The following VRK2 variants were observed in gnomAD, a reference collection of about 807,000 sequenced individuals.
VRK2 encodes serine/threonine-protein kinase VRK2.
A neutral mutation model predicts 57.6 loss-of-function variants in VRK2; 60 were observed. The observed-to-expected ratio is 1.04, with a 90% confidence interval of 0.85 to 1.29. VRK2 has a LOEUF of 1.29. Ranked by LOEUF, VRK2 falls within the 50% of genes most tolerant of loss-of-function variation. VRK2 has a pLI of 0.00. For missense variants in VRK2, 705 were observed against 588.1 expected (o/e 1.20, Z -2.06); for synonymous variants, 231 against 199.2 (o/e 1.16, Z -1.35).
chr2:58,139,096 G>T (rs1282577508), intron 10 of VRK2, among the ~76,000 whole-genome samples: 2 of 152,108 alleles, frequency 1.3e-5, no homozygotes, highest in East Asian at 3.8e-4. Flanking sequence ...ACGAGGCTGT[G>T]TACCAGGCTA....
chr2:58,147,866 C>T (rs1351388510), intron 12 of VRK2, among the ~76,000 whole-genome samples: 1 of 147,492 alleles, frequency 6.8e-6, no homozygotes, highest in African/African-American at 2.5e-5. Flanking sequence ...TTTTCCATTG[C>T]TGAACAGCAC....
chr2:58,041,194 A>C (rs1416395771), intron 3 of VRK2: 1 of 348,380 alleles, frequency 2.9e-6, no homozygotes, highest in African/African-American at 2.2e-5. Flanking sequence ...TTGGTTTACT[A>C]CATTCAATTG....
chr2:57,961,894 T>C (rs1341871675), intron 1 of VRK2, among the ~76,000 whole-genome samples: 1 of 152,012 alleles, frequency 6.6e-6, no homozygotes, highest in Non-Finnish European at 1.5e-5. Flanking sequence ...CCTGGCAACA[T>C]GGTGAAACCC....
intron 9 of VRK2, among the ~76,000 whole-genome samples, 161 bp from the exon 10 acceptor site, chr2:58,134,979 CT>C (rs1275354991): frequency 6.6e-6 from 1 of 151,926 alleles, no homozygotes; most frequent in Admixed American, 6.6e-5. Flanking sequence ...TTCTCCTCTA[CT>C]TCTGCTTACT....
At chr2:58,019,095 A>G (rs1329832777) in intron 1 of VRK2, among the ~76,000 whole-genome samples, 1 of 152,192 alleles carries the variant, frequency 6.6e-6, no homozygotes, top group African/African-American at 2.4e-5. Flanking sequence ...GCAAGCAAGG[A>G]CTAGGTCTTC....
intron 1 of VRK2, among the ~76,000 whole-genome samples, chr2:58,022,740 T>C (rs911198580): frequency 1.3e-5 from 2 of 152,126 alleles, no homozygotes; most frequent in Non-Finnish European, 2.9e-5. Flanking sequence ...CTAAGCATGG[T>C]GGCCCTTGCC....
At chr2:57,935,550 A>G (rs1182516241) in intron 1 of VRK2, among the ~76,000 whole-genome samples, 1 of 152,106 alleles carries the variant, frequency 6.6e-6, no homozygotes, top group Non-Finnish European at 1.5e-5. Flanking sequence ...AGTGAGACAC[A>G]TGGAGTTTTG....
At chr2:57,919,783 G>A (rs1055381442) in intron 1 of VRK2, among the ~76,000 whole-genome samples, 5 of 152,050 alleles carry the variant, frequency 3.3e-5, no homozygotes, top group African/African-American at 1.2e-4. Context: ...GTTTATTAAT[G>A]GGAAAACACT....
intron 11 of VRK2, among the ~76,000 whole-genome samples, chr2:58,140,378 TA>T (rs1037348132): frequency 6.7e-5 from 10 of 150,076 alleles, no homozygotes; most frequent in Non-Finnish European, 7.4e-5. Flanking sequence ...AACACCAACT[TA>T]AAAAAAAAAT....
intron 8 of VRK2, among the ~76,000 whole-genome samples, 159 bp downstream of exon 8, chr2:58,123,392 A>G (rs1440279923): frequency 6.6e-6 from 1 of 152,206 alleles, no homozygotes; most frequent in East Asian, 1.9e-4. Flanking sequence ...ATGCCAATGA[A>G]TATTTCTTCT....
At chr2:57,985,356 C>T (rs906667046) in intron 1 of VRK2, among the ~76,000 whole-genome samples, 11 of 151,958 alleles carry the variant, frequency 7.2e-5, no homozygotes, top group African/African-American at 1.4e-4. Context: ...AATTAATAAA[C>T]GTAAAGATTT....
At chr2:57,972,103 T>C (rs1383624132) in intron 1 of VRK2, among the ~76,000 whole-genome samples, 1 of 151,780 alleles carries the variant, frequency 6.6e-6, no homozygotes, top group African/African-American at 2.4e-5. Flanking sequence ...ATCATGCATA[T>C]TTTCTGCCTC....
chr2:57,985,674 T>C (rs1672572682), intron 1 of VRK2, among the ~76,000 whole-genome samples: 1 of 152,010 alleles, frequency 6.6e-6, no homozygotes, highest in East Asian at 1.9e-4. Flanking sequence ...TCACCAATCC[T>C]GTTCAAAATC....
chr2:58,113,295 G>A (rs1675865070), intron 7 of VRK2, among the ~76,000 whole-genome samples: 2 of 149,436 alleles, frequency 1.3e-5, no homozygotes, highest in African/African-American at 5.0e-5. Flanking sequence ...CTGGGCAACA[G>A]GAGCGAAACT....
chr2:57,939,364 C>T (rs1401733731), intron 1 of VRK2, among the ~76,000 whole-genome samples: 4 of 152,080 alleles, frequency 2.6e-5, no homozygotes, highest in African/African-American at 9.7e-5. Flanking sequence ...TTGTAAAGGG[C>T]TTCACTTTCA....
upstream of VRK2, chr2:58,046,579 A>G: frequency 1.0e-6 from 1 of 985,600 alleles, no homozygotes; most frequent in Non-Finnish European, 1.2e-6. Context: ...GGGTGGAGGT[A>G]GTAACACAGC....
At chr2:57,978,065 G>C (rs1672303465) in intron 1 of VRK2, among the ~76,000 whole-genome samples, 1 of 151,172 alleles carries the variant, frequency 6.6e-6, no homozygotes, top group Admixed American at 6.6e-5. Flanking sequence ...TAGAAATAAA[G>C]ACTATTTGAT....
intron 1 of VRK2, among the ~76,000 whole-genome samples, chr2:57,928,799 G>A (rs561957413): frequency 6.6e-6 from 1 of 152,328 alleles, no homozygotes; most frequent in South Asian, 2.1e-4. Flanking sequence ...TGTGGTTCTT[G>A]TAGACTCATA....
chr2:57,929,026 C>T (rs535470636), intron 1 of VRK2, among the ~76,000 whole-genome samples: 1 of 152,302 alleles, frequency 6.6e-6, no homozygotes, highest in Admixed American at 6.5e-5. Context: ...TGGTCTGTGT[C>T]TTGCCCAAGG....
Sources: gnomAD v4.1 joint callset for allele counts (sites outside exome capture counted in the v4.1 genomes callset) on GRCh38, gnomAD v4.1.1 for gene constraint, MANE v1.5 for transcripts, NCBI Gene and HGNC (gene_info 2026-07-23, HGNC 2026-07-21) for gene names.